The following HSPG2 variants were observed in gnomAD, a reference collection of about 807,000 sequenced individuals.
HSPG2 encodes basement membrane-specific heparan sulfate proteoglycan core protein.
In HSPG2, 278 loss-of-function variants were observed where a neutral mutation model predicts 526.6. That is an observed-to-expected ratio of 0.53 (90% CI 0.48 to 0.58). The LOEUF is 0.58. Among genes scored for constraint, HSPG2 ranks in the 20% least tolerant of loss-of-function variants. HSPG2 has a pLI of 0.00. For synonymous variants in HSPG2, 2,465 were observed against 2,555.4 expected, an observed-to-expected ratio of 0.96 and a Z score of 1.07; for missense variants, 5,354 against 6,099.5, an observed-to-expected ratio of 0.88 and a Z score of 4.07.
intron 6 of HSPG2, chr1:21,888,543 C>T: frequency 1.9e-6 from 1 of 522,374 alleles, no homozygotes; most frequent in Non-Finnish European, 3.0e-6. Flanking sequence ...TTGCCTCAAG[C>T]AATCCTCCCG....
rs777656469 is a variant in HSPG2 at position 21,875,852 on chromosome 1, G to C, written c.3183+11C>G. On this transcript the variant is annotated intron_variant, in intron 24 of 96. Transcript: ENST00000374695. ...CCCGCACCCCTACCCCCAGGGGACAGTATTGCTCACCTCCCGGAAAGGCAC... is the reference window on the plus strand; with the variant it reads ...CCCGCACCCCTACCCCCAGGGGACACTATTGCTCACCTCCCGGAAAGGCAC... The C allele has an allele frequency of 2.5e-6, 4 of 1,613,776 alleles. No individual in the cohort carries two copies. The South Asian group carries it at 4.4e-5, about 18-fold the overall frequency.
At chr1:21,844,568 C>T (rs1211172910) in intron 64 of HSPG2, among the ~76,000 whole-genome samples, 1 of 152,226 alleles carries the variant, frequency 6.6e-6, no homozygotes, top group Non-Finnish European at 1.5e-5. Flanking sequence ...CTAGACACTT[C>T]CACACAGACC....
rs577989645 is a variant in HSPG2 at position 21,895,997 on chromosome 1, C to T, written c.200-31G>A. On this transcript the variant is annotated intron_variant, in intron 2 of 96. Transcript: ENST00000374695. This position sits in a 1 kb window ranked among gnomAD's most constrained non-coding sequence, Gnocchi z 4.1. ...AGCAAAAAAGAGATGTAATCAGCAACAACAAGTATTTGTTGAGTACCTACT... is the reference window on the plus strand; with the variant it reads ...AGCAAAAAAGAGATGTAATCAGCAATAACAAGTATTTGTTGAGTACCTACT... The T allele has an allele frequency of 2.5e-6, 4 of 1,612,930 alleles. No homozygotes were observed. Among genetic ancestry groups the T allele is most frequent in the Non-Finnish European group, 3.4e-6 (4 of 1,179,072 alleles).
rs78845480 is a variant in HSPG2, at chr1:21,824,285, G to T, written c.12815+21C>A. The T allele has an allele frequency of 6.2e-7, 1 of 1,613,716 alleles. No individual in the cohort carries two copies. The highest frequency in any genetic ancestry group is 8.5e-7 in the Non-Finnish European group (1 of 1,179,812). ...GCTGGGACCAGGGAAGGGAGAGGAA[G>T]GGCCAGGTGCCAGGACCTACCTGAA... On this transcript the variant is annotated intron_variant, in intron 94 of 96. Coordinates refer to ENST00000374695, the MANE Select transcript of HSPG2 (RefSeq NM_005529.7). This position sits in a 1 kb window ranked among gnomAD's most constrained non-coding sequence, Gnocchi z 5.9.
rs774744068 is a variant in HSPG2, at chr1:21,854,264, G to A, written c.6368C>T (p.Ser2123Leu). 3.2e-6 allele frequency: 5 copies of A among 1,585,744 alleles called. No homozygotes were observed. Among genetic ancestry groups the A allele is most frequent in the East Asian group, 2.3e-5 (1 of 43,694 alleles). The stretch of plus-strand genomic sequence containing the variant: ...AGTAATGGAGGCCTCCTTGGGGCCC[G>A]ATCCATTCTCCACACGGCACACATA... ...GEYVCRVENGSGPKEASITVS... is the reference protein window; with the variant it reads ...GEYVCRVENGLGPKEASITVS... Residue 2123 changes from serine (S) to leucine (L), a missense_variant, in exon 50 of 97, where the codon TCG becomes TTG. By Grantham distance (145) the Ser-to-Leu change is moderately radical. Transcript: ENST00000374695.
At chr1:21,917,360 G>C (rs1172500730) in intron 1 of HSPG2, among the ~76,000 whole-genome samples, 1 of 151,924 alleles carries the variant, frequency 6.6e-6, no homozygotes. Context: ...TTGAGCCCAG[G>C]AGGTCGAGGC....
chr1:21,897,093 C>T (rs1365629819), intron 1 of HSPG2, among the ~76,000 whole-genome samples: 1 of 152,230 alleles, frequency 6.6e-6, no homozygotes, highest in African/African-American at 2.4e-5. Context: ...TAACACCTGC[C>T]TTCTCAGGTG....
chr1:21,823,984 G>A lies in HSPG2; in HGVS notation c.12899+137C>T, dbSNP rs551671337. ...CGAGATGGAAGCCCGAGCCCTGGCTGGTGGGTTCTCCCCTCCCCTGGCTTC... is the reference window on the plus strand; with the variant it reads ...CGAGATGGAAGCCCGAGCCCTGGCTAGTGGGTTCTCCCCTCCCCTGGCTTC... On this transcript the variant is annotated intron_variant, in intron 95 of 96. Transcript: ENST00000374695. 1.8e-5 allele frequency: 17 copies of A among 920,580 alleles called. No individual in the cohort carries two copies. In the African/African-American group the frequency reaches 2.6e-4, roughly 14 times the overall value. The allele number at this position is 920,580 out of a possible 1,614,324, so 57.0% of individuals were successfully genotyped here.
chr1:21,836,448 C>T (rs2098026561), intron 75 of HSPG2, among the ~76,000 whole-genome samples: 1 of 152,074 alleles, frequency 6.6e-6, no homozygotes, highest in South Asian at 2.1e-4. Flanking sequence ...CAGCCTCCAG[C>T]GTAGTTGGGA....
In HSPG2 at chr1:21,834,712, T is replaced by A. The variant is rs761582328; in HGVS notation, c.10687A>T (p.Thr3563Ser). Reference protein sequence around the residue: ...YRCTATNAAGTTQSHVLLLVQ... With the variant: ...YRCTATNAAGSTQSHVLLLVQ... ...AGCAGCAGGACGTGGGATTGTGTGG[T>A]GCCAGCTGCGTTGGTGGCAGTGCAG... The change falls in exon 77 of 97, where the codon ACC becomes TCC. Residue 3563 changes from threonine to serine, a missense_variant. By Grantham distance (58) the Thr-to-Ser change is moderately conservative (BLOSUM62 1). Coordinates refer to ENST00000374695, the MANE Select transcript of HSPG2 (RefSeq NM_005529.7). 1.2e-6 allele frequency: 2 copies of A among 1,614,176 alleles called. No homozygotes were observed. The highest frequency in any genetic ancestry group is 1.7e-6 in the Non-Finnish European group (2 of 1,180,034).
rs60890297 is a variant in HSPG2, at chr1:21,863,060, C to CAAAAAAAAAAAAAAAAAAAAAAA, written c.4741-968_4741-946dup. On this transcript the variant is annotated intron_variant, in intron 37 of 96. Coordinates refer to ENST00000374695, the MANE Select transcript of HSPG2 (RefSeq NM_005529.7). ...GGGTGACAAAAGCGAGACTCCATCT[C>CAAAAAAAAAAAAAAAAAAAAAAA]AAAAAAAAAAAAAAAAAAAAAAAAA... Among the ~76,000 whole-genome samples, 5 of 31,236 alleles carry CAAAAAAAAAAAAAAAAAAAAAAA rather than the reference C, an allele frequency of 1.6e-4. 1 individual carries two copies. The highest frequency in any genetic ancestry group is 2.7e-4 in the Non-Finnish European group (5 of 18,520). 20.5% of individuals were successfully genotyped at this position (31,236 alleles called of 152,430 possible). A position where few individuals can be genotyped will look rare whatever the true frequency, so the allele number is the denominator to read the frequency against.
At position 21,847,616 on chromosome 1, in the gene HSPG2, G is replaced by A; in HGVS notation, c.8025+73C>T. On this transcript the variant is annotated intron_variant, in intron 61 of 96. Coordinates refer to ENST00000374695, the MANE Select transcript of HSPG2 (RefSeq NM_005529.7). The surrounding 1 kb of genome is among the most constrained non-coding windows in gnomAD (Gnocchi z 4.1). ...TCGGTCTACCCAGGGCCCAATCCGT[G>A]AGACAGGGAGCCTGCTCTGCTCACC... 1 of 1,605,470 alleles carries A rather than the reference G, an allele frequency of 6.2e-7. No individual in the cohort carries two copies. Among genetic ancestry groups the A allele is most frequent in the Non-Finnish European group, 8.5e-7 (1 of 1,175,122 alleles).
Position 21,824,420 on chromosome 1 carries a change from G to C in HSPG2, c.12745-44C>G, listed in dbSNP as rs546733908. 1.7e-5 allele frequency: 27 copies of C among 1,608,484 alleles called. No homozygotes were observed. The highest frequency in any genetic ancestry group is 2.2e-5 in the Non-Finnish European group (26 of 1,175,666). ...GTCTCTGGGGTCCCCAGCCTGGAGAGCAGAGGCTGCCGAGGCCAGGGGGCT... is the reference window on the plus strand; with the variant it reads ...GTCTCTGGGGTCCCCAGCCTGGAGACCAGAGGCTGCCGAGGCCAGGGGGCT... On this transcript the variant is annotated intron_variant, in intron 93 of 96. Transcript: ENST00000374695. The surrounding 1 kb of genome is among the most constrained non-coding windows in gnomAD (Gnocchi z 5.9).
chr1:21,825,053 CT>C, intron 91 of HSPG2: 1 of 507,280 alleles, frequency 2.0e-6, no homozygotes, highest in East Asian at 3.6e-5. Context: ...GTGGTAGGAC[CT>C]GCAACTTTGT....
chr1:21,914,287 T>G (rs908263425), intron 1 of HSPG2, among the ~76,000 whole-genome samples: 19 of 152,244 alleles, frequency 1.2e-4, no homozygotes, highest in African/African-American at 4.3e-4. Flanking sequence ...AGGGTTGCTA[T>G]TTCCCTGGGT....
In HSPG2 at chr1:21,886,529, G is replaced by A. The variant is rs141094778; in HGVS notation, c.1078+686C>T. On this transcript the variant is annotated intron_variant, in intron 9 of 96. Coordinates refer to ENST00000374695, the MANE Select transcript of HSPG2 (RefSeq NM_005529.7). ...CTTAATCTTGCACTAACAAGCATCA[G>A]GCTTCTTGCGGGACAGGACATACAG... Among the ~76,000 whole-genome samples the A allele has an allele frequency of 2.0e-5, 3 of 152,214 alleles. No homozygotes were observed. In the East Asian group the frequency reaches 5.8e-4, roughly 29 times the overall value.
At position 21,842,238 on chromosome 1, in the gene HSPG2, C is replaced by T. The variant is rs1421561973; in HGVS notation, c.9052+1G>A. ...TTGCCCATGGCATCTGCCATACTCA[C>T]GGTAGGAAGACCCCTCACTGGGCGG... On this transcript the variant is annotated splice_donor_variant, in intron 68 of 96. Transcript: ENST00000374695. LOFTEE classifies it high-confidence loss of function. 3 of 1,613,548 alleles carry T rather than the reference C, an allele frequency of 1.9e-6. No individual in the cohort carries two copies. Among genetic ancestry groups the T allele is most frequent in the South Asian group, 1.1e-5 (1 of 91,022 alleles).
chr1:21,828,909 C>T lies in HSPG2; in HGVS notation c.12163G>A (p.Gly4055Arg), dbSNP rs756115471. ...AGTGGCACGGAAGGCTCCACACCCC[C>T]CAGGTAGAGCAGGGTGTGCAGGTTG... Reference protein sequence around the residue: ...GLNLHTLLYLGGVEPSVPLSP... With the variant: ...GLNLHTLLYLRGVEPSVPLSP... Residue 4055 changes from glycine (G) to arginine (R), a missense_variant, in exon 88 of 97, where the codon GGG becomes AGG. Coordinates refer to ENST00000374695, the MANE Select transcript of HSPG2 (RefSeq NM_005529.7). This position sits in a 1 kb window ranked among gnomAD's most constrained non-coding sequence, Gnocchi z 6.0. 8 of 1,560,880 alleles carry T rather than the reference C, an allele frequency of 5.1e-6. No individual in the cohort carries two copies. In the Admixed American group the frequency reaches 7.6e-5, roughly 15 times the overall value.
At chr1:21,879,230 C>T in intron 17 of HSPG2, 109 bp from the exon 18 acceptor site, 3 of 1,296,258 alleles carry the variant, frequency 2.3e-6, no homozygotes, top group Non-Finnish European at 3.3e-6. Flanking sequence ...GCTGGAGGCA[C>T]AGCTTTGCAG....
Sources: allele counts gnomAD v4.1 joint callset (sites outside exome capture counted in the v4.1 genomes callset), GRCh38; gene constraint gnomAD v4.1.1; non-coding constraint Gnocchi (gnomAD v3.1); transcripts MANE v1.5; gene names NCBI Gene and HGNC (gene_info 2026-07-23, HGNC 2026-07-21).